Variants in CSMD3 observed in about 807,000 individuals in gnomAD.
CSMD3 encodes the protein CUB and sushi domain-containing protein 3.
A neutral mutation model predicts 435.2 loss-of-function variants in CSMD3; 177 were observed. That is an observed-to-expected ratio of 0.41 (90% CI 0.36 to 0.46). The LOEUF (loss-of-function observed/expected upper bound fraction) is 0.46, where lower values mean the gene tolerates loss of function less well. Among genes scored for constraint, CSMD3 ranks in the 20% least tolerant of loss-of-function variants. The probability of loss-of-function intolerance (pLI) is 0.34; values close to 1 mark genes in which losing one functional copy is unlikely to be tolerated. For missense variants in CSMD3, 4,265 were observed against 4,504.6 expected, an observed-to-expected ratio of 0.95 and a Z score of 1.52; for synonymous variants, 1,656 against 1,520.5, an observed-to-expected ratio of 1.09 and a Z score of -2.07.
intron 50 of CSMD3, chr8:112,310,744 G>A (rs1397911415): frequency 6.7e-6 from 4 of 598,096 alleles, no homozygotes; most frequent in Non-Finnish European, 1.2e-5. Flanking sequence ...GTATACAAGG[G>A]GAAAAAGTCA....
intron 3 of CSMD3, among the ~76,000 whole-genome samples, chr8:113,216,576 C>T (rs530598201): frequency 2.6e-5 from 4 of 152,016 alleles, no homozygotes; most frequent in East Asian, 3.9e-4. Flanking sequence ...CAAACATATT[C>T]TCCCACCAGA....
intron 7 of CSMD3, among the ~76,000 whole-genome samples, chr8:112,963,205 A>C (rs1264437904): frequency 6.6e-6 from 1 of 152,016 alleles, no homozygotes; most frequent in Non-Finnish European, 1.5e-5. Flanking sequence ...GACTTTGTCC[A>C]ACATCTCACT....
Position 112,920,914 on chromosome 8 carries a change from T to C in CSMD3, c.1633+713A>G, listed in dbSNP as rs550790949. On this transcript the variant is annotated intron_variant, in intron 10 of 70. Coordinates refer to ENST00000297405, the MANE Select transcript of CSMD3 (RefSeq NM_198123.2). ...GTCAATATTTTGCCATATATATATA[T>C]ATATACACACACACACACACACACA... is the stretch of plus-strand genomic sequence containing the variant. Among the ~76,000 whole-genome samples, 1,207 of 142,170 alleles carry C rather than the reference T, an allele frequency of 8.5e-3. 19 individuals carry two copies. The highest frequency in any genetic ancestry group is 0.028 in the Admixed American group (402 of 14,112). 93.3% of individuals were successfully genotyped at this position (142,170 alleles called of 152,430 possible).
intron 27 of CSMD3, among the ~76,000 whole-genome samples, chr8:112,540,518 T>C (rs79402390): frequency 0.015 from 2,335 of 152,066 alleles, 66 homozygotes; most frequent in African/African-American, 0.053. Context: ...ATAACGAAGG[T>C]ATTCAATCAA....
At chr8:112,791,673 T>A (rs985203003) in intron 13 of CSMD3, among the ~76,000 whole-genome samples, 7 of 152,300 alleles carry the variant, frequency 4.6e-5, no homozygotes, top group Admixed American at 3.9e-4. Flanking sequence ...GTAGAAATTT[T>A]AAAAAATCTA....
intron 1 of CSMD3, among the ~76,000 whole-genome samples, chr8:113,395,345 C>G (rs535731638): frequency 2.0e-5 from 3 of 152,166 alleles, no homozygotes; most frequent in African/African-American, 7.2e-5. Flanking sequence ...CGGTGGCTCA[C>G]GCCTGTAATC....
intron 3 of CSMD3, among the ~76,000 whole-genome samples, chr8:113,263,608 T>G (rs988654834): frequency 3.3e-5 from 5 of 151,870 alleles, no homozygotes; most frequent in African/African-American, 1.2e-4. Flanking sequence ...AAACGACTTT[T>G]GGGCGCTTCT....
intron 45 of CSMD3, among the ~76,000 whole-genome samples, chr8:112,325,079 T>C (rs1275082992): frequency 6.6e-6 from 1 of 152,136 alleles, no homozygotes; most frequent in Non-Finnish European, 1.5e-5. Context: ...TTATCTCCTC[T>C]ACTTAAAATT....
At chr8:113,045,947 C>T (rs113396549) in intron 5 of CSMD3, among the ~76,000 whole-genome samples, 2 of 149,338 alleles carry the variant, frequency 1.3e-5, no homozygotes, top group Admixed American at 6.6e-5. Flanking sequence ...ACCAAAATAT[C>T]TGGGAAATTT....
intron 32 of CSMD3, among the ~76,000 whole-genome samples, chr8:112,443,205 A>C (rs907092852): frequency 6.6e-6 from 1 of 152,166 alleles, no homozygotes; most frequent in East Asian, 1.9e-4. Flanking sequence ...AAATGCCAAG[A>C]ACTATAGTGA....
intron 22 of CSMD3, among the ~76,000 whole-genome samples, chr8:112,604,790 C>T (rs1309534888): frequency 6.6e-6 from 1 of 152,034 alleles, no homozygotes; most frequent in East Asian, 1.9e-4. Context: ...CAAAGAGGAC[C>T]TAATTGAACT....
intron 11 of CSMD3, among the ~76,000 whole-genome samples, chr8:112,848,256 C>G (rs1421850270): frequency 3.3e-5 from 5 of 152,074 alleles, no homozygotes; most frequent in Non-Finnish European, 7.4e-5. Context: ...AAATAATATA[C>G]AGGCACAAAT....
intron 3 of CSMD3, among the ~76,000 whole-genome samples, chr8:113,263,507 T>G (rs569293993): frequency 6.6e-6 from 1 of 151,996 alleles, no homozygotes; most frequent in East Asian, 1.9e-4. Context: ...TCCTTTAAAT[T>G]TTACATCATT....
chr8:112,541,804 T>C (rs1052733372), intron 27 of CSMD3, among the ~76,000 whole-genome samples: 2 of 152,030 alleles, frequency 1.3e-5, no homozygotes, highest in Admixed American at 6.6e-5. Context: ...TATTCCCTGA[T>C]ACCAAAGCCA....
intron 32 of CSMD3, among the ~76,000 whole-genome samples, chr8:112,441,422 A>G (rs1310335718): frequency 1.3e-5 from 2 of 152,028 alleles, no homozygotes; most frequent in East Asian, 3.9e-4. Flanking sequence ...ACTTTCCCAC[A>G]TTGTCCTGTC....
chr8:113,334,274 TAAG>T (rs1252598187), intron 1 of CSMD3, among the ~76,000 whole-genome samples: 2 of 114,778 alleles, frequency 1.7e-5, no homozygotes, highest in Non-Finnish European at 3.4e-5. Flanking sequence ...AGGGATAGTT[TAAG>T]TTTTTTTTTT....
At chr8:113,223,072 A>C (rs114884742) in intron 3 of CSMD3, among the ~76,000 whole-genome samples, 1 of 150,456 alleles carries the variant, frequency 6.6e-6, no homozygotes, top group Non-Finnish European at 1.5e-5. Flanking sequence ...ATTTATTTCT[A>C]TTTTTCCAAC....
chr8:112,305,048 T>A, intron 51 of CSMD3, 133 bp from the exon 52 acceptor site: 1 of 721,608 alleles, frequency 1.4e-6, no homozygotes, highest in Non-Finnish European at 2.4e-6. Context: ...TGTTCTTTAT[T>A]TCTTTTGCAT....
At position 112,666,301 on chromosome 8, in the gene CSMD3, T is replaced by C. The variant is rs899092795; in HGVS notation, c.2792A>G (p.His931Arg). Residue 931 changes from histidine (H) to arginine (R), a missense_variant, in exon 17 of 71, where the codon CAC (histidine) becomes CGC (arginine). By Grantham distance (29) the His-to-Arg change is conservative. Coordinates refer to ENST00000297405, the MANE Select transcript of CSMD3 (RefSeq NM_198123.2). The part of the protein sequence containing the change: ...CEWVIEAEPG[H>R]SIKITFERFQ... Reference sequence around the variant, plus strand: ...CCTTTCAAATGTAATTTTGATAGAGTGTCCAGGTTCAGCTTCAATCACCCA... The same window carrying C: ...CCTTTCAAATGTAATTTTGATAGAGCGTCCAGGTTCAGCTTCAATCACCCA... The C allele has an allele frequency of 1.3e-5, 21 of 1,611,672 alleles. No homozygotes were observed. Among genetic ancestry groups the C allele is most frequent in the Admixed American group, 8.4e-5 (5 of 59,764 alleles).
Sources: gnomAD v4.1 joint callset for allele counts (sites outside exome capture counted in the v4.1 genomes callset) on GRCh38, gnomAD v4.1.1 for gene constraint, MANE v1.5 for transcripts, NCBI Gene and HGNC (gene_info 2026-07-23, HGNC 2026-07-21) for gene names.